LIMK2: variants seen among roughly 807,000 people sequenced by gnomAD.
LIMK2 encodes the protein LIM domain kinase 2.
In LIMK2, 35 loss-of-function variants were observed where a neutral mutation model predicts 75.7. That is an observed-to-expected ratio of 0.46 (90% confidence interval 0.35 to 0.61). LIMK2 has a LOEUF of 0.61. Ranked by LOEUF, LIMK2 falls within the 20% of genes least tolerant of loss-of-function variation. LIMK2 has a pLI of 0.00. For synonymous variants in LIMK2, 301 were observed against 319.2 expected, an observed-to-expected ratio of 0.94 and a Z score of 0.61; for missense variants, 623 against 831.0, an observed-to-expected ratio of 0.75 and a Z score of 3.08.
intron 1 of LIMK2, among the ~76,000 whole-genome samples, chr22:31,224,638 G>A (rs1209081935): frequency 6.6e-6 from 1 of 152,182 alleles, no homozygotes; most frequent in African/African-American, 2.4e-5. Flanking sequence ...TGGCATATAG[G>A]AGGCATTCAT....
chr22:31,236,944 A>G (rs1419260907), intron 2 of LIMK2, among the ~76,000 whole-genome samples: 1 of 149,336 alleles, frequency 6.7e-6, no homozygotes, highest in Non-Finnish European at 1.5e-5. Context: ...AAAATAAAAT[A>G]AAATAAAATA....
chr22:31,255,878 T>A (rs1314556350), intron 2 of LIMK2, among the ~76,000 whole-genome samples: 1 of 151,320 alleles, frequency 6.6e-6, no homozygotes, highest in African/African-American at 2.4e-5. Flanking sequence ...AGAGAAGTTG[T>A]CCAGCTAGTG....
intron 7 of LIMK2, among the ~76,000 whole-genome samples, chr22:31,265,225 G>T (rs1225076504): frequency 6.9e-6 from 1 of 144,652 alleles, no homozygotes; most frequent in South Asian, 2.2e-4. Context: ...AATTAGCCGG[G>T]CGTGGTGGCG....
In LIMK2 at chr22:31,269,054, G is replaced by T. The variant is rs113850462; in HGVS notation, c.1317+854G>T. 5.2e-4 allele frequency among the ~76,000 whole-genome samples: 76 copies of T among 146,500 alleles called. 4 individuals carry two copies. Among genetic ancestry groups the T allele is most frequent in the African/African-American group, 1.7e-3 (69 of 40,446 alleles). ...GGTTTTTTTGTTTGTTTGTTTGTTT[G>T]TTTTTTTGTTTTTTTTTCCTGTTTC... On this transcript the variant is annotated intron_variant, in intron 11 of 15. Coordinates refer to ENST00000331728, the MANE Select transcript of LIMK2 (RefSeq NM_005569.4).
intron 2 of LIMK2, among the ~76,000 whole-genome samples, chr22:31,243,450 C>G (rs1457242187): frequency 6.6e-6 from 1 of 152,184 alleles, no homozygotes; most frequent in African/African-American, 2.4e-5. Flanking sequence ...TTGACCAGAG[C>G]TTTCTTCCGA....
intron 2 of LIMK2, among the ~76,000 whole-genome samples, chr22:31,256,376 T>C (rs1042246479): frequency 6.6e-6 from 1 of 151,694 alleles, no homozygotes; most frequent in South Asian, 2.1e-4. Flanking sequence ...AGTCTGACTC[T>C]GTCACCCAGG....
intron 2 of LIMK2, among the ~76,000 whole-genome samples, chr22:31,249,797 C>T (rs1214842895): frequency 2.0e-5 from 3 of 152,086 alleles, no homozygotes; most frequent in Admixed American, 6.6e-5. Flanking sequence ...GTGGAATGAC[C>T]GGACCCTGGT....
At chr22:31,234,085 T>C (rs992911767) in intron 2 of LIMK2, among the ~76,000 whole-genome samples, 2 of 152,060 alleles carry the variant, frequency 1.3e-5, no homozygotes, top group South Asian at 4.2e-4. Flanking sequence ...CAATTTCGGC[T>C]CACTGCAACT....
chr22:31,224,047 G>C (rs1268260995), intron 1 of LIMK2, among the ~76,000 whole-genome samples: 2 of 152,210 alleles, frequency 1.3e-5, no homozygotes, highest in Non-Finnish European at 2.9e-5. Context: ...CACTGTGCCT[G>C]TGGCAGTCTG....
chr22:31,239,134 C>CAGCAAATTTCACATGGGCAT (rs1448326937), intron 2 of LIMK2, among the ~76,000 whole-genome samples: 4 of 152,194 alleles, frequency 2.6e-5, no homozygotes, highest in African/African-American at 9.6e-5. Context: ...ACTAGTTGGC[C>CAGCAAATTTCACATGGGCAT]AGCAAATTTC....
intron 2 of LIMK2, among the ~76,000 whole-genome samples, chr22:31,255,616 T>C (rs1434235004): frequency 1.3e-5 from 2 of 152,200 alleles, no homozygotes; most frequent in Non-Finnish European, 2.9e-5. Context: ...GTAGTAGAAC[T>C]CACTGTGGCC....
At chr22:31,225,656 TA>T in intron 1 of LIMK2, 63 bp from the exon 2 acceptor site, 1 of 1,187,980 alleles carries the variant, frequency 8.4e-7, no homozygotes. Context: ...TTCTACATGG[TA>T]GGAATCCTGT....
Position 31,227,884 on chromosome 22 carries a change from A to ACCACCC in LIMK2, c.116+2065_116+2066insCCACCC, listed in dbSNP as rs1203425983. Among the ~76,000 whole-genome samples, 5 of 152,210 alleles carry ACCACCC rather than the reference A, an allele frequency of 3.3e-5. No individual in the cohort carries two copies. In the East Asian group the frequency reaches 9.6e-4, roughly 29 times the overall value. On this transcript the variant is annotated intron_variant, in intron 2 of 15. Transcript: ENST00000331728. ...GAAGAAACCACCCACTATATGGTAT[A>ACCACCC]ACCCATTCATATCACAGATGAGGCC...
chr22:31,235,038 C>CT (rs2048561185), intron 2 of LIMK2, among the ~76,000 whole-genome samples: 1 of 152,026 alleles, frequency 6.6e-6, no homozygotes, highest in South Asian at 2.1e-4. Flanking sequence ...TCCTTTGAGG[C>CT]TTTTTTTAAA....
At chr22:31,251,259 A>T (rs928974430) in intron 2 of LIMK2, among the ~76,000 whole-genome samples, 1 of 152,238 alleles carries the variant, frequency 6.6e-6, no homozygotes, top group Non-Finnish European at 1.5e-5. Context: ...TACTGATTTA[A>T]TGAGCTTGGG....
chr22:31,264,136 T>C (rs961350528), intron 7 of LIMK2, among the ~76,000 whole-genome samples: 1 of 152,058 alleles, frequency 6.6e-6, no homozygotes, highest in Non-Finnish European at 1.5e-5. Flanking sequence ...CCTTGGTCAG[T>C]ATGATGAAAT....
rs569937733 is a variant in LIMK2, at chr22:31,277,430, A to G, written c.1773-867A>G. The G allele has an allele frequency of 1.5e-5, 18 of 1,189,716 alleles. No homozygotes were observed. The Admixed American group carries it at 4.3e-4, about 28-fold the overall frequency. The allele number at this position is 1,189,716 out of a possible 1,614,324, so 73.7% of individuals were successfully genotyped here. ...TTGGTGCAGCTCAAAAAAAAAAAAA[A>G]AAATGATTTCCAGCGGTCCACATTA... On this transcript the variant is annotated intron_variant, in intron 15 of 15. Transcript: ENST00000331728.
At chr22:31,274,661 A>G (rs963249633) in intron 14 of LIMK2, among the ~76,000 whole-genome samples, 1 of 152,184 alleles carries the variant, frequency 6.6e-6, no homozygotes, top group Non-Finnish European at 1.5e-5. Flanking sequence ...TCAGCCTCCC[A>G]AAGTGCTGAG....
chr22:31,262,798 C>T lies in LIMK2; in HGVS notation c.854+7C>T, dbSNP rs1273410275. 1.3e-6 allele frequency: 2 copies of T among 1,583,490 alleles called. No homozygotes were observed. The highest frequency in any genetic ancestry group is 2.3e-5 in the East Asian group (1 of 43,678). ...TGAGGAGACGTTCCCTAAGGTGCCACCTCCCACCCTGGCTCTGTTCTGTCC... is the reference window on the plus strand; with the variant it reads ...TGAGGAGACGTTCCCTAAGGTGCCATCTCCCACCCTGGCTCTGTTCTGTCC... On this transcript the variant is annotated splice_region_variant and intron_variant, in intron 7 of 15. Coordinates refer to ENST00000331728, the MANE Select transcript of LIMK2 (RefSeq NM_005569.4). This position sits in a 1 kb window ranked among gnomAD's most constrained non-coding sequence, Gnocchi z 5.0.
Sources: allele counts gnomAD v4.1 joint callset (sites outside exome capture counted in the v4.1 genomes callset), GRCh38; gene constraint gnomAD v4.1.1; non-coding constraint Gnocchi (gnomAD v3.1); transcripts MANE v1.5; gene names NCBI Gene and HGNC (gene_info 2026-07-23, HGNC 2026-07-21).